Variants in MGAT4C observed in about 807,000 individuals in gnomAD.
MGAT4C encodes the protein alpha-1,3-mannosyl-glycoprotein 4-beta-N-acetylglucosaminyltransferase C.
MGAT4C carries 19 observed loss-of-function variants against 40.1 expected under a neutral mutation model. That is an observed-to-expected ratio of 0.47 (90% CI 0.33 to 0.70). The LOEUF (loss-of-function observed/expected upper bound fraction) is 0.70. MGAT4C is among the 30% of genes least tolerant of loss of function. The probability of loss-of-function intolerance (pLI) is 0.02; values close to 1 mark genes in which losing one functional copy is unlikely to be tolerated. For missense variants in MGAT4C, 491 were observed against 563.2 expected, an observed-to-expected ratio of 0.87 and a Z score of 1.30; for synonymous variants, 181 against 187.1, an observed-to-expected ratio of 0.97 and a Z score of 0.27.
chr12:86,607,281 T>A (rs1006644542), intron 2 of MGAT4C, among the ~76,000 whole-genome samples: 5 of 152,098 alleles, frequency 3.3e-5, no homozygotes, highest in African/African-American at 1.2e-4. Context: ...ATTAACTTAT[T>A]AATACTAATA....
chr12:86,791,431 GT>G (rs77404320), intron 1 of MGAT4C, among the ~76,000 whole-genome samples: 3,064 of 144,000 alleles, frequency 0.021, 40 homozygotes, highest in Non-Finnish European at 0.025. Context: ...GCTTTAAACT[GT>G]TTTTTTTTTT....
chr12:86,358,538 G>T (rs1178060999), intron 3 of MGAT4C, among the ~76,000 whole-genome samples: 1 of 152,126 alleles, frequency 6.6e-6, no homozygotes, highest in Non-Finnish European at 1.5e-5. Context: ...CTGGCAAACT[G>T]GATAAAGAGT....
intron 1 of MGAT4C, among the ~76,000 whole-genome samples, chr12:86,081,782 T>G (rs143375178): frequency 6.6e-6 from 1 of 152,166 alleles, no homozygotes; most frequent in Non-Finnish European, 1.5e-5. Flanking sequence ...TCTAAACAAA[T>G]AAGGCCAACT....
At chr12:86,762,363 T>A (rs1295213608) in intron 1 of MGAT4C, among the ~76,000 whole-genome samples, 1 of 152,060 alleles carries the variant, frequency 6.6e-6, no homozygotes, top group Non-Finnish European at 1.5e-5. Flanking sequence ...AAGGCTACAC[T>A]CTTATATGGG....
chr12:86,581,814 A>G (rs1960790167), intron 2 of MGAT4C, among the ~76,000 whole-genome samples: 1 of 151,446 alleles, frequency 6.6e-6, no homozygotes, highest in Non-Finnish European at 1.5e-5. Context: ...GAAAATACAT[A>G]ACCACAAATT....
At chr12:86,546,542 T>C (rs1487302937) in intron 2 of MGAT4C, among the ~76,000 whole-genome samples, 1 of 151,954 alleles carries the variant, frequency 6.6e-6, no homozygotes, top group Non-Finnish European at 1.5e-5. Context: ...AAGACTTCCT[T>C]TATAGGCATC....
intron 1 of MGAT4C, among the ~76,000 whole-genome samples, chr12:86,152,830 C>G (rs1204770656): frequency 6.6e-6 from 1 of 152,096 alleles, no homozygotes; most frequent in Non-Finnish European, 1.5e-5. Flanking sequence ...AAGATAAAGT[C>G]CAAGTCTTTC....
chr12:86,577,495 T>C (rs1960610970), intron 2 of MGAT4C, among the ~76,000 whole-genome samples: 1 of 151,822 alleles, frequency 6.6e-6, no homozygotes, highest in African/African-American at 2.4e-5. Context: ...ATATCCAGCT[T>C]TCTGAGAATT....
chr12:86,719,067 A>G (rs1043928371), intron 2 of MGAT4C, among the ~76,000 whole-genome samples: 3 of 152,296 alleles, frequency 2.0e-5, no homozygotes, highest in South Asian at 2.1e-4. Context: ...CTGTTCTTCA[A>G]GTTAGTCACA....
At chr12:86,795,944 T>C (rs776426571) in intron 1 of MGAT4C, among the ~76,000 whole-genome samples, 3 of 151,940 alleles carry the variant, frequency 2.0e-5, no homozygotes, top group African/African-American at 4.8e-5. Context: ...TATGGAAAAT[T>C]AGAAAGAGAG....
intron 1 of MGAT4C, among the ~76,000 whole-genome samples, chr12:86,111,217 A>G (rs1468201405): frequency 6.6e-6 from 1 of 151,848 alleles, no homozygotes; most frequent in Non-Finnish European, 1.5e-5. Flanking sequence ...ATATAAATGC[A>G]TCAGTAAACT....
intron 4 of MGAT4C, among the ~76,000 whole-genome samples, chr12:86,319,084 T>C (rs1954313391): frequency 6.6e-6 from 1 of 152,144 alleles, no homozygotes; most frequent in Non-Finnish European, 1.5e-5. Flanking sequence ...ATGTTTCCTG[T>C]GAGAACACAT....
intron 2 of MGAT4C, among the ~76,000 whole-genome samples, chr12:86,494,008 T>C (rs1296199717): frequency 6.6e-6 from 1 of 152,002 alleles, no homozygotes; most frequent in Non-Finnish European, 1.5e-5. Context: ...TAAAATATCC[T>C]ATTATAACTA....
In MGAT4C at chr12:86,632,220, C is replaced by T. The variant is rs529306227; in HGVS notation, c.-229+94989G>A. ...ATCACAATGAGATAGCATCTCATAC[C>T]AGTTAGAATGGGGATCATTAAAAAG... is the stretch of plus-strand genomic sequence containing the variant. On this transcript the variant is annotated intron_variant, in intron 2 of 7. Transcript: ENST00000548651. Among the ~76,000 whole-genome samples the T allele has an allele frequency of 8.1e-4, 123 of 152,170 alleles. 3 individuals are homozygous for T. In the South Asian group the frequency reaches 0.025, roughly 31 times the overall value.
chr12:86,490,771 T>C (rs2136322677), intron 2 of MGAT4C, among the ~76,000 whole-genome samples: 1 of 152,188 alleles, frequency 6.6e-6, no homozygotes, highest in South Asian at 2.1e-4. Flanking sequence ...TCCTAGTCTC[T>C]GATAAAACAG....
chr12:85,989,287 T>G, intron 3 of MGAT4C, 113 bp downstream of exon 3: 1 of 1,028,982 alleles, frequency 9.7e-7, no homozygotes, highest in Non-Finnish European at 1.3e-6. Flanking sequence ...ATAATTTTGC[T>G]CAAACTAAGT....
In MGAT4C at chr12:86,134,153, T is replaced by C. The variant is rs529702642; in HGVS notation, c.-56-84430A>G. ...TTTGTTTTCAGTTATGATAGCCACT[T>C]AGTTAGACTCAAATAATGTTTTCTA... On this transcript the variant is annotated intron_variant, in intron 1 of 4. Transcript: ENST00000611864. Among the ~76,000 whole-genome samples, 15 of 152,246 alleles carry C rather than the reference T, an allele frequency of 9.9e-5. No homozygotes were observed. In the South Asian group the frequency reaches 2.9e-3, roughly 29 times the overall value.
intron 1 of MGAT4C, among the ~76,000 whole-genome samples, chr12:86,219,206 A>G (rs181221205): frequency 2.6e-5 from 4 of 152,172 alleles, no homozygotes; most frequent in African/African-American, 9.6e-5. Flanking sequence ...AAAAAGAAAA[A>G]GTATGCAAAT....
intron 2 of MGAT4C, among the ~76,000 whole-genome samples, chr12:86,534,007 G>A (rs1028090690): frequency 2.6e-5 from 4 of 151,944 alleles, no homozygotes; most frequent in Non-Finnish European, 5.9e-5. Flanking sequence ...AGGAAGTTGA[G>A]GTATTTTACT....
Sources: allele counts gnomAD v4.1 joint callset (sites outside exome capture counted in the v4.1 genomes callset), GRCh38; gene constraint gnomAD v4.1.1; transcripts MANE v1.5; gene names NCBI Gene and HGNC (gene_info 2026-07-23, HGNC 2026-07-21).